Variants in CASZ1 observed in about 807,000 individuals in gnomAD.
CASZ1 encodes the protein castor zinc finger 1.
A neutral mutation model predicts 135.2 loss-of-function variants in CASZ1; 28 were observed. That is an observed-to-expected ratio of 0.21 (90% CI 0.15 to 0.28). The LOEUF is 0.28. Ranked by LOEUF, CASZ1 falls within the 10% of genes least tolerant of loss-of-function variation. The pLI is 1.00. For synonymous variants in CASZ1, 1,068 were observed against 1,073.4 expected (o/e 0.99, Z 0.10); for missense variants, 2,161 against 2,453.3 (o/e 0.88, Z 2.52).
In CASZ1 at chr1:10,636,964, T is replaced by A. The variant is rs1045386523; in HGVS notation, c.*1978A>T. ...TAGTTATAAAACATTAAAAAGAGCA[T>A]TGGTGGATCAAGCATTGTTTCCCCA... On this transcript the variant is annotated 3_prime_UTR_variant, in exon 21 of 21. Coordinates refer to ENST00000377022, the MANE Select transcript of CASZ1 (RefSeq NM_001079843.3). 2 of 152,326 alleles carry A rather than the reference T, an allele frequency of 1.3e-5. No homozygotes were observed. Among genetic ancestry groups the A allele is most frequent in the Non-Finnish European group, 2.9e-5 (2 of 68,032 alleles). The allele number at this position is 152,326 out of a possible 1,614,324, so 9.4% of individuals were successfully genotyped here.
At chr1:10,734,865 T>C (rs953727086) in intron 2 of CASZ1, among the ~76,000 whole-genome samples, 1 of 152,034 alleles carries the variant, frequency 6.6e-6, no homozygotes, top group Non-Finnish European at 1.5e-5. Context: ...ACGGAGGATC[T>C]GAGGAGCATG....
In CASZ1 at chr1:10,665,304, T is replaced by A. The variant is rs1378289674; in HGVS notation, c.284A>T (p.Glu95Val). 9.9e-6 allele frequency: 16 copies of A among 1,612,976 alleles called. No homozygotes were observed. Among genetic ancestry groups the A allele is most frequent in the Non-Finnish European group, 1.4e-5 (16 of 1,179,354 alleles). The change falls in exon 5 of 21, where the codon GAG (glutamate) becomes GTG (valine). Residue 95 changes from glutamate to valine, a missense_variant. Glu to Val is a moderately radical substitution (Grantham distance 121). This residue lies in a region of CASZ1 where 590 missense variants were observed against 609.8 expected (regional missense o/e 0.97). Coordinates refer to ENST00000377022, the MANE Select transcript of CASZ1 (RefSeq NM_001079843.3). ...RAVIEKWVNGEYSEEPAPTPV... is the reference protein window; with the variant it reads ...RAVIEKWVNGVYSEEPAPTPV... ...TGTGGGTGCCGGCTCCTCGCTGTAC[T>A]CCCCGTTCACCCACTTCTCGATCAC...
chr1:10,740,407 G>A (rs1389353866), intron 2 of CASZ1, among the ~76,000 whole-genome samples: 1 of 152,254 alleles, frequency 6.6e-6, no homozygotes. Context: ...GTGAGGTCCT[G>A]GGGATCTATG....
At position 10,709,293 on chromosome 1, in the gene CASZ1, C is replaced by T. The variant is rs1368520249; in HGVS notation, c.-76-3749G>A. Among the ~76,000 whole-genome samples the T allele has an allele frequency of 1.3e-5, 2 of 152,232 alleles. No homozygotes were observed. Among genetic ancestry groups the T allele is most frequent in the African/African-American group, 4.8e-5 (2 of 41,462 alleles). ...TCCGCCCCCGCACTCCACTGCGTCT[C>T]CTTCCCCCTGCCCCCAGCCCCATCC... is the stretch of plus-strand genomic sequence containing the variant. On this transcript the variant is annotated intron_variant, in intron 2 of 20. Transcript: ENST00000377022. This position sits in a 1 kb window ranked among gnomAD's most constrained non-coding sequence, Gnocchi z 5.1.
intron 4 of CASZ1, among the ~76,000 whole-genome samples, chr1:10,681,915 C>T (rs570124838): frequency 6.6e-6 from 1 of 152,354 alleles, no homozygotes; most frequent in East Asian, 1.9e-4. Context: ...CAGGGCTCTA[C>T]CCAGAGAACA....
intron 9 of CASZ1, 28 bp from the exon 10 acceptor site, chr1:10,654,619 G>A (rs953370038): frequency 3.7e-6 from 6 of 1,604,506 alleles, no homozygotes; most frequent in Non-Finnish European, 3.4e-6. Context: ...GTGGTCAGGC[G>A]AACGGAGGCC....
intron 5 of CASZ1, among the ~76,000 whole-genome samples, chr1:10,664,380 C>T (rs1036316466): frequency 1.6e-4 from 24 of 150,306 alleles, no homozygotes; most frequent in African/African-American, 4.6e-4. Context: ...GGGCTGCTCT[C>T]GATCCCCAGG....
intron 4 of CASZ1, among the ~76,000 whole-genome samples, chr1:10,669,177 AT>A (rs1260101853): frequency 6.6e-6 from 1 of 152,138 alleles, no homozygotes; most frequent in Non-Finnish European, 1.5e-5. Context: ...TCATTGTCCC[AT>A]TTCATAGAGG....
Position 10,694,809 on chromosome 1 carries a change from T to C in CASZ1, c.-23-897A>G, listed in dbSNP as rs528856249. Among the ~76,000 whole-genome samples the C allele has an allele frequency of 3.9e-3, 563 of 143,272 alleles. 3 individuals are homozygous for C. Among genetic ancestry groups the C allele is most frequent in the African/African-American group, 0.013 (530 of 39,984 alleles). 94.0% of individuals were successfully genotyped at this position (143,272 alleles called of 152,430 possible). On this transcript the variant is annotated intron_variant, in intron 3 of 20. Transcript: ENST00000377022. This position sits in a 1 kb window ranked among gnomAD's most constrained non-coding sequence, Gnocchi z 6.6. ...GGAGGCGGGGACTTGCGCTCAGGGC[T>C]GGCGGGAGGGGACCCGGCGCGGGGC...
chr1:10,753,537 A>G (rs1208365786), intron 2 of CASZ1, among the ~76,000 whole-genome samples: 1 of 152,206 alleles, frequency 6.6e-6, no homozygotes, highest in Non-Finnish European at 1.5e-5. Flanking sequence ...CTGTCAGATT[A>G]TTAATTAGCT....
intron 4 of CASZ1, among the ~76,000 whole-genome samples, chr1:10,674,446 C>T (rs796419223): frequency 4.6e-5 from 7 of 152,398 alleles, no homozygotes; most frequent in African/African-American, 1.7e-4. Flanking sequence ...GCGTCCAGCC[C>T]TCTGAGGCCA....
At chr1:10,664,134 A>G (rs561324926) in intron 5 of CASZ1, among the ~76,000 whole-genome samples, 1 of 152,342 alleles carries the variant, frequency 6.6e-6, no homozygotes, top group African/African-American at 2.4e-5. Flanking sequence ...AGCTCTGTTT[A>G]TATCTTACAT....
intron 1 of CASZ1, among the ~76,000 whole-genome samples, chr1:10,781,664 G>A (rs1008624030): frequency 6.6e-6 from 1 of 152,210 alleles, no homozygotes; most frequent in Non-Finnish European, 1.5e-5. Context: ...CAAACACAGG[G>A]AGCCCTCTGC....
At chr1:10,744,448 C>G (rs1213821465) in intron 2 of CASZ1, among the ~76,000 whole-genome samples, 1 of 5,496 alleles carries the variant, frequency 1.8e-4, no homozygotes, top group Non-Finnish European at 3.6e-4. Flanking sequence ...CTGGGCACCA[C>G]GAGCAGGCAT....
intron 20 of CASZ1, among the ~76,000 whole-genome samples, chr1:10,640,459 A>C (rs1642164692): frequency 6.6e-6 from 1 of 152,220 alleles, no homozygotes; most frequent in South Asian, 2.1e-4. Context: ...CCAAGACGCC[A>C]GCTATAGCTG....
intron 4 of CASZ1, among the ~76,000 whole-genome samples, chr1:10,690,530 C>T (rs199613866): frequency 3.9e-5 from 6 of 152,284 alleles, no homozygotes; most frequent in South Asian, 2.1e-4. Flanking sequence ...GGGCTGTCTG[C>T]GATGGGGGAT....
rs1222168485 is a variant in CASZ1 at position 10,759,924 on chromosome 1, G to A, written c.-77+777C>T. Among the ~76,000 whole-genome samples, 1 of 152,100 alleles carries A rather than the reference G, an allele frequency of 6.6e-6. No homozygotes were observed. Among genetic ancestry groups the A allele is most frequent in the Non-Finnish European group, 1.5e-5 (1 of 68,018 alleles). ...CAATCCCTCTGGACTGGTTTCCTTG[G>A]GATCTCAAGAAAGTACTGAATAATG... On this transcript the variant is annotated intron_variant, in intron 2 of 20. Coordinates refer to ENST00000377022, the MANE Select transcript of CASZ1 (RefSeq NM_001079843.3). This position sits in a 1 kb window ranked among gnomAD's most constrained non-coding sequence, Gnocchi z 4.2.
Position 10,774,975 on chromosome 1 carries a change from C to A in CASZ1, c.-233-14118G>T, listed in dbSNP as rs1640637442. ...TAAATCTCTGCATTAAACACACACA[C>A]ACAACACCCCAACAAGGGAGACAGA... On this transcript the variant is annotated intron_variant, in intron 1 of 20. Coordinates refer to ENST00000377022, the MANE Select transcript of CASZ1 (RefSeq NM_001079843.3). The surrounding 1 kb of genome is among the most constrained non-coding windows in gnomAD (Gnocchi z 4.4). Among the ~76,000 whole-genome samples, 1 of 152,172 alleles carries A rather than the reference C, an allele frequency of 6.6e-6. No individual in the cohort carries two copies. The highest frequency in any genetic ancestry group is 1.5e-5 in the Non-Finnish European group (1 of 68,032).
Position 10,647,347 on chromosome 1 carries a change from G to A in CASZ1, c.3497+454C>T. The A allele has an allele frequency of 9.6e-7, 1 of 1,042,548 alleles. No homozygotes were observed. The allele number at this position is 1,042,548 out of a possible 1,614,324, so 64.6% of individuals were successfully genotyped here. A position where few individuals can be genotyped will look rare whatever the true frequency, so the allele number is the denominator to read the frequency against. ...CTTCCACCCAAGAGCTCAGACCACT[G>A]TGCAGGCCAGTGACGGCCTGGAGGG... On this transcript the variant is annotated intron_variant, in intron 16 of 20. Coordinates refer to ENST00000377022, the MANE Select transcript of CASZ1 (RefSeq NM_001079843.3). This position sits in a 1 kb window ranked among gnomAD's most constrained non-coding sequence, Gnocchi z 4.9.
Sources: allele counts gnomAD v4.1 joint callset (sites outside exome capture counted in the v4.1 genomes callset), GRCh38; gene constraint gnomAD v4.1.1; regional missense constraint gnomAD v4.1.1; non-coding constraint Gnocchi (gnomAD v3.1); transcripts MANE v1.5; gene names NCBI Gene and HGNC (gene_info 2026-07-23, HGNC 2026-07-21).